DGKB: variants seen among roughly 807,000 people sequenced by gnomAD.
DGKB encodes the protein 90 kDa diacylglycerol kinase.
DGKB carries 67 observed loss-of-function variants against 114.3 expected under a neutral mutation model. The ratio of observed to expected loss-of-function variants is 0.59; its 90% confidence interval spans 0.48 to 0.72. The LOEUF (loss-of-function observed/expected upper bound fraction) is 0.72, where lower values mean the gene tolerates loss of function less well. Among genes scored for constraint, DGKB ranks in the 30% least tolerant of loss-of-function variants. The probability of loss-of-function intolerance (pLI) is 0.00; values close to 1 mark genes in which losing one functional copy is unlikely to be tolerated. For synonymous variants in DGKB, 398 were observed against 323.1 expected (o/e 1.23, Z -2.49); for missense variants, 907 against 975.2 (o/e 0.93, Z 0.93).
intron 20 of DGKB, among the ~76,000 whole-genome samples, chr7:14,572,728 G>C (rs991071528): frequency 1.3e-5 from 2 of 152,040 alleles, no homozygotes; most frequent in African/African-American, 4.8e-5. Context: ...CTATTCAACA[G>C]CAAAAAGGGA....
intron 1 of DGKB, among the ~76,000 whole-genome samples, chr7:14,932,942 C>G (rs997448782): frequency 6.6e-6 from 1 of 152,124 alleles, no homozygotes; most frequent in East Asian, 1.9e-4. Context: ...TCCAGTAATA[C>G]CAAATGGCAC....
intron 1 of DGKB, among the ~76,000 whole-genome samples, chr7:14,946,394 T>A (rs1006770721): frequency 2.6e-5 from 4 of 151,760 alleles, no homozygotes; most frequent in African/African-American, 4.8e-5. Flanking sequence ...CCATTTGTTT[T>A]TACACTGTCT....
intron 1 of DGKB, among the ~76,000 whole-genome samples, chr7:14,847,064 GC>G (rs1848719862): frequency 6.6e-6 from 1 of 152,120 alleles, no homozygotes; most frequent in African/African-American, 2.4e-5. Context: ...GCCGAGGCGG[GC>G]GGATCACGAG....
At chr7:14,228,290 G>C (rs1233929257) in intron 23 of DGKB, among the ~76,000 whole-genome samples, 1 of 152,006 alleles carries the variant, frequency 6.6e-6, no homozygotes, top group Non-Finnish European at 1.5e-5. Flanking sequence ...CAACAGTGAA[G>C]GACAAAGACA....
At chr7:14,795,844 G>A (rs1458082380) in intron 2 of DGKB, among the ~76,000 whole-genome samples, 1 of 152,060 alleles carries the variant, frequency 6.6e-6, no homozygotes, top group South Asian at 2.1e-4. Flanking sequence ...TCTGTACAAG[G>A]GGTCTTTTAA....
chr7:14,946,365 A>G (rs1056592351), intron 1 of DGKB, among the ~76,000 whole-genome samples: 7 of 151,842 alleles, frequency 4.6e-5, no homozygotes, highest in African/African-American at 1.7e-4. Flanking sequence ...CCTTAAGTAC[A>G]TCTATCCAAA....
At position 14,649,258 on chromosome 7, in the gene DGKB, C is replaced by A. The variant is rs914438953; in HGVS notation, c.1135-18990G>T. ...GGCAGCCAGAGAGAAAGGTCGGGTT[C>A]CCCTCAAAGGGAAGCCCATCAGACT... On this transcript the variant is annotated intron_variant, in intron 13 of 25. Transcript: ENST00000402815. Among the ~76,000 whole-genome samples the A allele has an allele frequency of 2.8e-3, 422 of 151,220 alleles. 3 individuals carry two copies. The highest frequency in any genetic ancestry group is 8.9e-3 in the African/African-American group (365 of 41,082).
chr7:14,313,941 G>A (rs936640788), intron 23 of DGKB, among the ~76,000 whole-genome samples: 4 of 152,186 alleles, frequency 2.6e-5, no homozygotes, highest in Admixed American at 6.5e-5. Context: ...ATCTGAGAAC[G>A]GGCAGACTGC....
At chr7:14,163,904 A>G (rs1347744496) in intron 25 of DGKB, among the ~76,000 whole-genome samples, 3 of 152,078 alleles carry the variant, frequency 2.0e-5, no homozygotes, top group Non-Finnish European at 4.4e-5. Flanking sequence ...CTGAGGCAGG[A>G]GAATCGCTTG....
At position 14,841,374 on chromosome 7, in the gene DGKB, C is replaced by T; in HGVS notation, c.-111G>A. 1.2e-6 allele frequency: 1 copy of T among 857,518 alleles called. No individual in the cohort carries two copies. The highest frequency in any genetic ancestry group is 1.8e-6 in the Non-Finnish European group (1 of 559,610). 53.1% of individuals were successfully genotyped at this position (857,518 alleles called of 1,614,324 possible). On this transcript the variant is annotated 5_prime_UTR_variant, in exon 2 of 26. Transcript: ENST00000402815. ...CATGGCATGTTTCATGATAAAATAC[C>T]TCAGGCTTTCAAAATATGCAATCTG...
chr7:14,397,254 C>T (rs543187762), intron 21 of DGKB, among the ~76,000 whole-genome samples: 95 of 152,088 alleles, frequency 6.2e-4, no homozygotes, highest in Admixed American at 1.6e-3. Context: ...AGTACAAGAC[C>T]GGGCAGGGGA....
chr7:14,385,215 T>A (rs918894132), intron 21 of DGKB, among the ~76,000 whole-genome samples: 1 of 152,140 alleles, frequency 6.6e-6, no homozygotes, highest in Admixed American at 6.5e-5. Flanking sequence ...TCCTGAGTTT[T>A]GTTCTGAGGG....
intron 21 of DGKB, among the ~76,000 whole-genome samples, chr7:14,393,171 A>G (rs938184084): frequency 4.0e-5 from 6 of 151,126 alleles, no homozygotes; most frequent in Admixed American, 1.3e-4. Context: ...TTGTATTTTT[A>G]GTAGAGACGG....
intron 14 of DGKB, among the ~76,000 whole-genome samples, chr7:14,629,954 A>G (rs1319759864): frequency 6.6e-6 from 1 of 151,862 alleles, no homozygotes; most frequent in Admixed American, 6.6e-5. Flanking sequence ...TGTAGTAAAA[A>G]CTCTTTGTAA....
intron 9 of DGKB, among the ~76,000 whole-genome samples, chr7:14,693,636 C>A (rs1823295369): frequency 6.6e-6 from 1 of 151,196 alleles, no homozygotes; most frequent in African/African-American, 2.4e-5. Flanking sequence ...CTTTAAACCA[C>A]TGGAGATATT....
At chr7:14,164,976 A>G (rs528366646) in intron 25 of DGKB, among the ~76,000 whole-genome samples, 3 of 152,292 alleles carry the variant, frequency 2.0e-5, no homozygotes, top group African/African-American at 7.2e-5. Flanking sequence ...AATAATTCCA[A>G]GAAAAATATT....
intron 23 of DGKB, among the ~76,000 whole-genome samples, chr7:14,313,155 T>C (rs940874113): frequency 6.6e-6 from 1 of 152,178 alleles, no homozygotes; most frequent in African/African-American, 2.4e-5. Flanking sequence ...AAGAATAATA[T>C]CCAAAAGTAT....
Position 14,149,232 on chromosome 7 carries a change from T to C in DGKB, c.2311A>G (p.Ile771Val), listed in dbSNP as rs749907111. ...PWMQTPCTIK[I>V]THKNQAPMLM... Reference sequence around the variant, plus strand: ...ATTGGGGCTTGGTTCTTGTGTGTAATTTTTATCTAGAAAAAAAGAGAGAGA... The same window carrying C: ...ATTGGGGCTTGGTTCTTGTGTGTAACTTTTATCTAGAAAAAAAGAGAGAGA... The change falls in exon 26 of 26, where the codon ATT becomes GTT. Residue 771 changes from isoleucine (I) to valine (V), a missense_variant. Physicochemically the swap from Ile to Val is conservative, Grantham distance 29 (BLOSUM62 3). Transcript: ENST00000402815. 3.1e-6 allele frequency: 5 copies of C among 1,610,878 alleles called. No homozygotes were observed. The highest frequency in any genetic ancestry group is 3.4e-6 in the Non-Finnish European group (4 of 1,178,126).
chr7:14,750,889 C>T (rs1834029668), intron 4 of DGKB, among the ~76,000 whole-genome samples: 1 of 148,712 alleles, frequency 6.7e-6, no homozygotes, highest in African/African-American at 2.5e-5. Context: ...CTGCAACCTC[C>T]ACCTCCTGGG....
Sources: gnomAD v4.1 joint callset for allele counts (sites outside exome capture counted in the v4.1 genomes callset) on GRCh38, gnomAD v4.1.1 for gene constraint, MANE v1.5 for transcripts, NCBI Gene and HGNC (gene_info 2026-07-23, HGNC 2026-07-21) for gene names.